The following AIG1 variants were observed in gnomAD, a reference collection of about 807,000 sequenced individuals.
AIG1 encodes androgen-induced gene 1 protein.
In AIG1, 23 loss-of-function variants were observed where a neutral mutation model predicts 31.4. The observed-to-expected ratio is 0.73, with a 90% CI of 0.53 to 1.04. The LOEUF (loss-of-function observed/expected upper bound fraction) is 1.04. Ranked by LOEUF, AIG1 falls within the 50% of genes least tolerant of loss-of-function variation. AIG1 has a pLI of 0.00. For missense variants in AIG1, 274 were observed against 295.0 expected (o/e 0.93, Z 0.52); for synonymous variants, 100 against 110.5 (o/e 0.90, Z 0.60).
chr6:143,261,353 A>T (rs559637286), intron 3 of AIG1, among the ~76,000 whole-genome samples: 1 of 152,154 alleles, frequency 6.6e-6, no homozygotes, highest in Non-Finnish European at 1.5e-5. Flanking sequence ...GCTGGTCTCG[A>T]ACTCCTGACC....
At chr6:143,200,536 ACTTC>A (rs1790615199) in intron 3 of AIG1, among the ~76,000 whole-genome samples, 1 of 151,902 alleles carries the variant, frequency 6.6e-6, no homozygotes, top group Admixed American at 6.6e-5. Flanking sequence ...CCACTGCTTG[ACTTC>A]CATTCATCTT....
chr6:143,318,052 C>T (rs1456459137), intron 4 of AIG1, among the ~76,000 whole-genome samples: 1 of 151,968 alleles, frequency 6.6e-6, no homozygotes, highest in Non-Finnish European at 1.5e-5. Flanking sequence ...GAATCAATAT[C>T]GTGAAAATGA....
rs1167059230 is a variant in AIG1, at chr6:143,331,652, ATGTG to A, written c.516-1622_516-1619del. ...TATGTACATCTGTGTGTGTGTATAT[ATGTG>A]TGTGTGTATATGTGTGTGTGTGTGT... On this transcript the variant is annotated intron_variant, in intron 4 of 5. Coordinates refer to ENST00000357847, the MANE Select transcript of AIG1 (RefSeq NM_016108.4). This position sits in a 1 kb window ranked among gnomAD's most constrained non-coding sequence, Gnocchi z 4.1. Among the ~76,000 whole-genome samples the A allele has an allele frequency of 8.6e-5, 13 of 151,546 alleles. No individual in the cohort carries two copies. The East Asian group carries it at 2.5e-3, about 29-fold the overall frequency.
At chr6:143,205,880 A>G (rs1253226524) in intron 3 of AIG1, among the ~76,000 whole-genome samples, 1 of 152,260 alleles carries the variant, frequency 6.6e-6, no homozygotes, top group African/African-American at 2.4e-5. Context: ...GTGAGAATTT[A>G]TGGATAGCAG....
chr6:143,217,894 T>C (rs1792159953), intron 3 of AIG1, among the ~76,000 whole-genome samples: 2 of 152,206 alleles, frequency 1.3e-5, no homozygotes, highest in South Asian at 4.1e-4. Context: ...TATGGCTCAA[T>C]ATGTATTACC....
chr6:143,224,864 T>C (rs1235892972), intron 3 of AIG1, among the ~76,000 whole-genome samples: 1 of 152,162 alleles, frequency 6.6e-6, no homozygotes. Context: ...CTTCCATTTT[T>C]CCCGTCTAAT....
At chr6:143,123,664 CTATT>C (rs1262566659) in intron 1 of AIG1, among the ~76,000 whole-genome samples, 7 of 151,908 alleles carry the variant, frequency 4.6e-5, no homozygotes, top group Admixed American at 1.3e-4. Context: ...TTTAATATTT[CTATT>C]TATTTATCTA....
At chr6:143,163,535 C>G (rs1302650815) in intron 2 of AIG1, among the ~76,000 whole-genome samples, 3 of 152,148 alleles carry the variant, frequency 2.0e-5, no homozygotes, top group Non-Finnish European at 4.4e-5. Flanking sequence ...GACCTCAGGA[C>G]AGCCTGGGAA....
intron 1 of AIG1, among the ~76,000 whole-genome samples, chr6:143,066,319 C>T (rs975511503): frequency 1.3e-5 from 2 of 151,944 alleles, no homozygotes; most frequent in Non-Finnish European, 2.9e-5. Flanking sequence ...CTCTGTCACC[C>T]AGGCGAGTGC....
chr6:143,245,418 G>A (rs73594125), intron 3 of AIG1, among the ~76,000 whole-genome samples: 1,888 of 152,216 alleles, frequency 0.012, 25 homozygotes, highest in African/African-American at 0.041. Context: ...TTTCCCCTGA[G>A]GCTCTGCACT....
At chr6:143,306,784 C>A (rs1799344835) in intron 4 of AIG1, among the ~76,000 whole-genome samples, 2 of 152,324 alleles carry the variant, frequency 1.3e-5, no homozygotes, top group Non-Finnish European at 2.9e-5. Flanking sequence ...TGGATAATAT[C>A]CCGCAGAGTG....
At chr6:143,147,381 G>A (rs1041201400) in intron 2 of AIG1, among the ~76,000 whole-genome samples, 1 of 152,144 alleles carries the variant, frequency 6.6e-6, no homozygotes, top group Non-Finnish European at 1.5e-5. Flanking sequence ...TTACAGGCAT[G>A]ATGGGAGAGG....
At chr6:143,254,031 C>T (rs781733480) in intron 3 of AIG1, among the ~76,000 whole-genome samples, 3 of 152,160 alleles carry the variant, frequency 2.0e-5, no homozygotes, top group Non-Finnish European at 4.4e-5. Context: ...CTCCCACGGA[C>T]CGTTTCCTCT....
At chr6:143,266,918 G>A (rs972100168) in intron 3 of AIG1, among the ~76,000 whole-genome samples, 4 of 151,748 alleles carry the variant, frequency 2.6e-5, no homozygotes, top group East Asian at 2.0e-4. Flanking sequence ...TCCAGCCTGG[G>A]TAAGAATTCA....
chr6:143,141,433 C>T (rs1194259106), intron 2 of AIG1, among the ~76,000 whole-genome samples: 1 of 152,204 alleles, frequency 6.6e-6, no homozygotes, highest in African/African-American at 2.4e-5. Context: ...GGTCTCTGTT[C>T]ATCTCAAGGA....
intron 3 of AIG1, among the ~76,000 whole-genome samples, chr6:143,178,820 A>G (rs1314001412): frequency 3.3e-5 from 5 of 152,206 alleles, no homozygotes; most frequent in African/African-American, 4.8e-5. Context: ...TGCCTGTGCT[A>G]TAAATGGGGG....
intron 1 of AIG1, among the ~76,000 whole-genome samples, chr6:143,074,732 A>T (rs1010649474): frequency 3.3e-5 from 5 of 152,192 alleles, no homozygotes; most frequent in Admixed American, 1.3e-4. Context: ...GTTATGAGGT[A>T]TTGCTCATTT....
intron 3 of AIG1, among the ~76,000 whole-genome samples, chr6:143,202,318 C>T (rs1428098147): frequency 6.6e-6 from 1 of 151,998 alleles, no homozygotes; most frequent in African/African-American, 2.4e-5. Flanking sequence ...TACTTCATGT[C>T]CCTGAAGCTA....
chr6:143,072,407 A>C (rs552109082), intron 1 of AIG1, among the ~76,000 whole-genome samples: 2 of 152,022 alleles, frequency 1.3e-5, no homozygotes, highest in Admixed American at 1.3e-4. Context: ...TTCAATATGG[A>C]TAGCTTTTAT....
Sources: gnomAD v4.1 joint callset for allele counts (sites outside exome capture counted in the v4.1 genomes callset) on GRCh38, gnomAD v4.1.1 for gene constraint, Gnocchi (gnomAD v3.1) non-coding constraint, MANE v1.5 for transcripts, NCBI Gene and HGNC (gene_info 2026-07-23, HGNC 2026-07-21) for gene names.